CSMD1: variants seen among roughly 807,000 people sequenced by gnomAD.
CSMD1 encodes the protein CUB and sushi domain-containing protein 1.
In CSMD1, 213 loss-of-function variants were observed where a neutral mutation model predicts 417.5. The ratio of observed to expected loss-of-function variants is 0.51; its 90% CI spans 0.46 to 0.57. The LOEUF (loss-of-function observed/expected upper bound fraction) is 0.57, where lower values mean the gene tolerates loss of function less well. CSMD1 is among the 20% of genes least tolerant of loss of function. CSMD1 has a pLI of 0.00. For synonymous variants in CSMD1, 2,862 were observed against 1,736.8 expected, an observed-to-expected ratio of 1.65 and a Z score of -16.11; for missense variants, 6,923 against 4,529.7, an observed-to-expected ratio of 1.53 and a Z score of -15.17.
intron 26 of CSMD1, among the ~76,000 whole-genome samples, chr8:3,282,120 C>G (rs111481102): frequency 6.6e-6 from 1 of 152,240 alleles, no homozygotes; most frequent in African/African-American, 2.4e-5. Context: ...ATTACCCAGT[C>G]TCAGATAGTT....
chr8:3,093,598 G>A (rs1024840823), intron 47 of CSMD1, among the ~76,000 whole-genome samples: 2 of 152,224 alleles, frequency 1.3e-5, no homozygotes, highest in African/African-American at 4.8e-5. Flanking sequence ...AACCCAGGAG[G>A]TGGAAGTTGC....
At chr8:4,198,719 A>G (rs1038512464) in intron 3 of CSMD1, among the ~76,000 whole-genome samples, 2 of 152,244 alleles carry the variant, frequency 1.3e-5, no homozygotes, top group South Asian at 2.1e-4. Flanking sequence ...GTATTTTAAT[A>G]TAATTGGTTT....
intron 5 of CSMD1, among the ~76,000 whole-genome samples, chr8:3,885,462 T>C (rs1806497820): frequency 6.6e-6 from 1 of 152,124 alleles, no homozygotes; most frequent in South Asian, 2.1e-4. Flanking sequence ...GAAGTACAAA[T>C]TTCTGCTTTT....
chr8:3,742,185 C>A (rs1232208876), intron 6 of CSMD1, among the ~76,000 whole-genome samples: 1 of 152,080 alleles, frequency 6.6e-6, no homozygotes, highest in Non-Finnish European at 1.5e-5. Flanking sequence ...CTATAGCCCA[C>A]CATTAAGGAG....
intron 49 of CSMD1, among the ~76,000 whole-genome samples, chr8:3,081,672 C>A (rs538036655): frequency 1.6e-4 from 25 of 152,262 alleles, no homozygotes; most frequent in Admixed American, 5.2e-4. Flanking sequence ...AGAGTCTAAA[C>A]TGTTATTTAT....
intron 3 of CSMD1, among the ~76,000 whole-genome samples, chr8:4,120,849 A>C (rs981787553): frequency 6.6e-6 from 1 of 152,218 alleles, no homozygotes; most frequent in Non-Finnish European, 1.5e-5. Context: ...GAAGTCTTTT[A>C]AAATTACAGA....
At chr8:4,128,407 T>C (rs1035640) in intron 3 of CSMD1, among the ~76,000 whole-genome samples, 151,321 of 152,286 alleles carry the variant, frequency 0.99, 75,187 homozygotes, top group Middle Eastern at 1. Context: ...AAAACATCTG[T>C]GATGACTCTA....
At chr8:3,660,878 T>C (rs933613874) in intron 7 of CSMD1, among the ~76,000 whole-genome samples, 2 of 152,208 alleles carry the variant, frequency 1.3e-5, no homozygotes, top group African/African-American at 4.8e-5. Context: ...GTTCAGACTC[T>C]ATGACAGATT....
At chr8:4,843,486 A>C (rs1800954463) in intron 1 of CSMD1, among the ~76,000 whole-genome samples, 1 of 152,182 alleles carries the variant, frequency 6.6e-6, no homozygotes, top group Non-Finnish European at 1.5e-5. Flanking sequence ...TGTATAAAGG[A>C]AAGTAGCAAA....
intron 5 of CSMD1, among the ~76,000 whole-genome samples, chr8:3,972,697 T>C (rs572783226): frequency 1.3e-5 from 2 of 152,330 alleles, no homozygotes; most frequent in Middle Eastern, 3.4e-3. Flanking sequence ...ATATTGCAAA[T>C]AGCTTCTTTT....
At position 4,160,636 on chromosome 8, in the gene CSMD1, G is replaced by C. The variant is rs77446142; in HGVS notation, c.416-128537C>G. Among the ~76,000 whole-genome samples the C allele has an allele frequency of 9.3e-3, 1,422 of 152,298 alleles. 21 individuals carry two copies. Among genetic ancestry groups the C allele is most frequent in the African/African-American group, 0.032 (1,349 of 41,552 alleles). ...GTCCCCACTTTCTTGCAGACACTCT[G>C]GAAGTCTTTGTACTTGTGTGTGCAC... is the stretch of plus-strand genomic sequence containing the variant. On this transcript the variant is annotated intron_variant, in intron 3 of 69. Coordinates refer to ENST00000635120, the MANE Select transcript of CSMD1 (RefSeq NM_033225.6).
chr8:4,481,446 G>T (rs1412050049), intron 2 of CSMD1, among the ~76,000 whole-genome samples: 1 of 152,142 alleles, frequency 6.6e-6, no homozygotes, highest in Non-Finnish European at 1.5e-5. Flanking sequence ...TTTTCTTAGT[G>T]GGAGATAAAA....
intron 10 of CSMD1, among the ~76,000 whole-genome samples, chr8:3,508,382 A>C (rs886162177): frequency 6.6e-6 from 1 of 151,962 alleles, no homozygotes; most frequent in African/African-American, 2.4e-5. Context: ...GGGGAGGGAT[A>C]GCATTAGGAG....
chr8:4,319,481 G>A (rs1347176185), intron 3 of CSMD1, among the ~76,000 whole-genome samples: 1 of 151,958 alleles, frequency 6.6e-6, no homozygotes, highest in East Asian at 1.9e-4. Context: ...GGCTTTGCTA[G>A]GATAGCAGGG....
At chr8:3,492,643 C>G (rs1010471379) in intron 11 of CSMD1, among the ~76,000 whole-genome samples, 1 of 152,180 alleles carries the variant, frequency 6.6e-6, no homozygotes, top group Non-Finnish European at 1.5e-5. Context: ...CAAAAACTGT[C>G]TTTGAGGCCC....
intron 37 of CSMD1, among the ~76,000 whole-genome samples, chr8:3,180,491 TA>T (rs1821255413): frequency 6.6e-6 from 1 of 152,222 alleles, no homozygotes. Flanking sequence ...TAATTACTCA[TA>T]AAAAACTAGT....
intron 4 of CSMD1, among the ~76,000 whole-genome samples, chr8:4,028,272 G>A (rs1377278583): frequency 1.3e-5 from 2 of 152,112 alleles, no homozygotes; most frequent in South Asian, 4.1e-4. Context: ...AATACCTTGA[G>A]CAAGTCACTT....
At chr8:3,103,407 T>A (rs1815898675) in intron 46 of CSMD1, among the ~76,000 whole-genome samples, 1 of 152,120 alleles carries the variant, frequency 6.6e-6, no homozygotes, top group Non-Finnish European at 1.5e-5. Context: ...TGGTGTAGCC[T>A]ATTGCTCCCA....
intron 3 of CSMD1, among the ~76,000 whole-genome samples, chr8:4,403,092 A>T (rs1020229499): frequency 4.0e-5 from 6 of 151,656 alleles, no homozygotes; most frequent in African/African-American, 1.5e-4. Flanking sequence ...CAGCCTCCCA[A>T]AGTGCTGGGA....
Sources: gnomAD v4.1 joint callset for allele counts (sites outside exome capture counted in the v4.1 genomes callset) on GRCh38, gnomAD v4.1.1 for gene constraint, MANE v1.5 for transcripts, NCBI Gene and HGNC (gene_info 2026-07-23, HGNC 2026-07-21) for gene names.